The following PRKCH variants were observed in gnomAD, a reference collection of about 807,000 sequenced individuals.
PRKCH encodes protein kinase C eta.
A neutral mutation model predicts 82.5 loss-of-function variants in PRKCH; 28 were observed. That is an observed-to-expected ratio of 0.34 (90% CI 0.25 to 0.47). The LOEUF (loss-of-function observed/expected upper bound fraction) is 0.47, where lower values mean the gene tolerates loss of function less well. Ranked by LOEUF, PRKCH falls within the 20% of genes least tolerant of loss-of-function variation. PRKCH has a pLI of 1.00. For missense variants in PRKCH, 705 were observed against 881.8 expected, an observed-to-expected ratio of 0.80 and a Z score of 2.54; for synonymous variants, 322 against 327.4, an observed-to-expected ratio of 0.98 and a Z score of 0.18.
chr14:61,447,093 A>G (rs1884263321), intron 4 of PRKCH, among the ~76,000 whole-genome samples: 1 of 152,234 alleles, frequency 6.6e-6, no homozygotes, highest in South Asian at 2.1e-4. Context: ...ACTGATCAAA[A>G]GCAAACTGGC....
intron 1 of PRKCH, among the ~76,000 whole-genome samples, chr14:61,358,883 C>G (rs1250646310): frequency 6.6e-6 from 1 of 152,116 alleles, no homozygotes; most frequent in African/African-American, 2.4e-5. Flanking sequence ...CTGCTTTTGA[C>G]TTAGTAACTC....
At chr14:61,350,834 T>A (rs1015008252) in intron 1 of PRKCH, among the ~76,000 whole-genome samples, 1 of 152,222 alleles carries the variant, frequency 6.6e-6, no homozygotes, top group Non-Finnish European at 1.5e-5. Context: ...CTGTTATAGA[T>A]CTTACAGTGC....
intron 10 of PRKCH, among the ~76,000 whole-genome samples, chr14:61,513,783 A>G (rs1230580901): frequency 6.6e-6 from 1 of 152,074 alleles, no homozygotes; most frequent in Admixed American, 6.5e-5. Context: ...TTACCTCACC[A>G]TGGGTCAGCG....
At chr14:61,234,321 G>C (rs762335228) in intron 1 of PRKCH, among the ~76,000 whole-genome samples, 22 of 152,130 alleles carry the variant, frequency 1.4e-4, no homozygotes, top group Non-Finnish European at 2.4e-4. Flanking sequence ...TTAGGTAAGG[G>C]GGGGAAATTG....
At chr14:61,192,762 G>A (rs1323099084) in intron 1 of PRKCH, among the ~76,000 whole-genome samples, 2 of 152,204 alleles carry the variant, frequency 1.3e-5, no homozygotes, top group Non-Finnish European at 2.9e-5. Flanking sequence ...ATGTTGATAA[G>A]GGTAACAATG....
At chr14:61,517,445 T>C (rs1266335314) in intron 10 of PRKCH, among the ~76,000 whole-genome samples, 1 of 152,228 alleles carries the variant, frequency 6.6e-6, no homozygotes, top group Non-Finnish European at 1.5e-5. Context: ...ACTGTTTCCA[T>C]TAGAGGGGAC....
chr14:61,330,442 A>C (rs1000213256), intron 1 of PRKCH, among the ~76,000 whole-genome samples: 1 of 152,248 alleles, frequency 6.6e-6, no homozygotes, highest in African/African-American at 2.4e-5. Flanking sequence ...GCTTGTGAAC[A>C]GATGACCTGC....
chr14:61,468,695 G>A (rs1464950171), intron 9 of PRKCH, among the ~76,000 whole-genome samples: 1 of 152,156 alleles, frequency 6.6e-6, no homozygotes. Context: ...TCAGTTTGAG[G>A]TTGTTCTGTT....
At chr14:61,473,950 C>T (rs772106145) in intron 9 of PRKCH, among the ~76,000 whole-genome samples, 22 of 151,118 alleles carry the variant, frequency 1.5e-4, no homozygotes, top group East Asian at 1.9e-4. Flanking sequence ...ACCAAGATCA[C>T]GCCATTGCAC....
chr14:61,451,607 C>T (rs983409633), intron 6 of PRKCH, among the ~76,000 whole-genome samples: 5 of 152,196 alleles, frequency 3.3e-5, no homozygotes, highest in Non-Finnish European at 7.3e-5. Context: ...AGCTTTGGCC[C>T]TAGCAAAGGC....
chr14:61,228,810 G>A (rs1296732326), intron 1 of PRKCH, among the ~76,000 whole-genome samples: 6 of 152,112 alleles, frequency 3.9e-5, no homozygotes, highest in African/African-American at 7.2e-5. Context: ...GGAGGCCAAA[G>A]CAGGAGGATT....
In PRKCH at chr14:61,280,852, G is replaced by A. The variant is rs756178430; in HGVS notation, c.-19+93184G>A. 23 of 1,566,930 alleles carry A rather than the reference G, an allele frequency of 1.5e-5. No individual in the cohort carries two copies. The highest frequency in any genetic ancestry group is 8.6e-7 in the Non-Finnish European group (1 of 1,164,600). On this transcript the variant is annotated intron_variant, in intron 1 of 3. Coordinates refer to the PRKCH transcript ENST00000555185. The surrounding 1 kb of genome is among the most constrained non-coding windows in gnomAD (Gnocchi z 5.0). ...TGGGCCCTGGAAGAGCTCGGGCAGC[G>A]AGAAGTACCAGGCGCACGAGCAGGG... is the stretch of plus-strand genomic sequence containing the variant.
chr14:61,462,743 G>A (rs1885082761), intron 9 of PRKCH, among the ~76,000 whole-genome samples: 1 of 152,150 alleles, frequency 6.6e-6, no homozygotes, highest in African/African-American at 2.4e-5. Context: ...AGTCTCCCCT[G>A]GAGAATTTAG....
In PRKCH at chr14:61,419,553, C is replaced by T. The variant is rs186357900; in HGVS notation, c.428-23558C>T. On this transcript the variant is annotated intron_variant, in intron 2 of 13. Transcript: ENST00000332981. The stretch of plus-strand genomic sequence containing the variant: ...AATGTCCACTGGGGAGCAAGATCAC[C>T]TCCAGTTGAGAATCAATGCAATATA... 2.2e-3 allele frequency among the ~76,000 whole-genome samples: 336 copies of T among 152,326 alleles called. 2 individuals carry two copies. Among genetic ancestry groups the T allele is most frequent in the Admixed American group, 0.021 (323 of 15,300 alleles).
chr14:61,406,919 ACT>A (rs935769075), intron 2 of PRKCH, among the ~76,000 whole-genome samples: 9 of 151,852 alleles, frequency 5.9e-5, no homozygotes, highest in African/African-American at 2.2e-4. Context: ...TCCGAGATTT[ACT>A]CTGTCAGGGG....
chr14:61,509,212 GTA>G (rs1887274556), intron 10 of PRKCH, among the ~76,000 whole-genome samples: 1 of 152,128 alleles, frequency 6.6e-6, no homozygotes, highest in Admixed American at 6.5e-5. Context: ...GCGTAAATAT[GTA>G]TTTGTGTCTT....
intron 12 of PRKCH, among the ~76,000 whole-genome samples, chr14:61,531,172 G>C (rs1002173851): frequency 2.0e-5 from 3 of 152,202 alleles, no homozygotes; most frequent in Non-Finnish European, 4.4e-5. Context: ...TTCTGTGTGT[G>C]CATTTAAGGC....
chr14:61,208,245 G>T (rs909680851), intron 1 of PRKCH, among the ~76,000 whole-genome samples: 2 of 152,032 alleles, frequency 1.3e-5, no homozygotes, highest in African/African-American at 4.8e-5. Context: ...ATTTTTAAGT[G>T]TATGGTTCAG....
chr14:61,210,109 CAA>C (rs2044559033), intron 1 of PRKCH, among the ~76,000 whole-genome samples: 4 of 56,968 alleles, frequency 7.0e-5, no homozygotes, highest in Non-Finnish European at 1.4e-4. Context: ...AACAAACAAA[CAA>C]ATATATATAT....
Sources: allele counts gnomAD v4.1 joint callset (sites outside exome capture counted in the v4.1 genomes callset), GRCh38; gene constraint gnomAD v4.1.1; non-coding constraint Gnocchi (gnomAD v3.1); transcripts MANE v1.5; gene names NCBI Gene and HGNC (gene_info 2026-07-23, HGNC 2026-07-21).